CTNNA2: variants seen among roughly 807,000 people sequenced by gnomAD.
The protein encoded by CTNNA2 is catenin alpha-2.
A neutral mutation model predicts 101.0 loss-of-function variants in CTNNA2; 42 were observed. The observed-to-expected ratio is 0.42, with a 90% CI of 0.32 to 0.54. The LOEUF is 0.54. Ranked by LOEUF, CTNNA2 falls within the 20% of genes least tolerant of loss-of-function variation. The probability of loss-of-function intolerance (pLI) is 0.14; values close to 1 mark genes in which losing one functional copy is unlikely to be tolerated. For synonymous variants in CTNNA2, 450 were observed against 456.4 expected, an observed-to-expected ratio of 0.99 and a Z score of 0.18; for missense variants, 871 against 1,223.1, an observed-to-expected ratio of 0.71 and a Z score of 4.29.
intron 12 of CTNNA2, among the ~76,000 whole-genome samples, chr2:80,559,891 T>TATATATATATATACACACAC (rs1553387588): frequency 6.8e-6 from 1 of 146,818 alleles, no homozygotes; most frequent in African/African-American, 2.6e-5. Context: ...TATATATATA[T>TATATATATATATACACACAC]ACACACACAT....
At chr2:79,675,695 A>G (rs1457772079) in intron 2 of CTNNA2, among the ~76,000 whole-genome samples, 1 of 152,124 alleles carries the variant, frequency 6.6e-6, no homozygotes, top group African/African-American at 2.4e-5. Flanking sequence ...AAGTCAGGAG[A>G]CTTGGATGTC....
At chr2:80,464,227 C>G (rs972017927) in intron 9 of CTNNA2, among the ~76,000 whole-genome samples, 1 of 152,162 alleles carries the variant, frequency 6.6e-6, no homozygotes, top group Non-Finnish European at 1.5e-5. Flanking sequence ...GAAGAAAGAA[C>G]TGTCTTCAAT....
chr2:79,484,959 C>T (rs1671143439), intron 4 of CTNNA2, among the ~76,000 whole-genome samples: 1 of 152,144 alleles, frequency 6.6e-6, no homozygotes. Flanking sequence ...AAAACCTTTA[C>T]CAGCCATACT....
chr2:79,392,419 G>A (rs1355301047), intron 4 of CTNNA2, among the ~76,000 whole-genome samples: 2 of 152,058 alleles, frequency 1.3e-5, no homozygotes, highest in African/African-American at 4.8e-5. Flanking sequence ...CTCAGAAAAG[G>A]ATCAATGTTT....
intron 9 of CTNNA2, among the ~76,000 whole-genome samples, chr2:80,537,905 T>C (rs1691184225): frequency 2.6e-5 from 4 of 152,194 alleles, no homozygotes; most frequent in Non-Finnish European, 5.9e-5. Flanking sequence ...TTTCCTGACT[T>C]TTTAATGATC....
At chr2:79,747,213 T>C (rs538611482) in intron 3 of CTNNA2, among the ~76,000 whole-genome samples, 13 of 149,320 alleles carry the variant, frequency 8.7e-5, no homozygotes, top group African/African-American at 3.2e-4. Context: ...AAGAGTATAT[T>C]TGTGTATGTG....
chr2:80,502,839 T>C (rs1307589996), intron 9 of CTNNA2, among the ~76,000 whole-genome samples: 1 of 152,150 alleles, frequency 6.6e-6, no homozygotes, highest in Non-Finnish European at 1.5e-5. Context: ...TCCCGAGTCA[T>C]TCATTAGCTC....
In CTNNA2 at chr2:80,329,610, T is replaced by C. The variant is rs117997151; in HGVS notation, c.1057-63601T>C. Reference sequence around the variant, plus strand: ...AGGATGCGGTGGGAAGTAAGGAGAATACCTACCTTAACAAGTCAGGACAGG... The same window carrying C: ...AGGATGCGGTGGGAAGTAAGGAGAACACCTACCTTAACAAGTCAGGACAGG... On this transcript the variant is annotated intron_variant, in intron 7 of 18. Transcript: ENST00000402739. Among the ~76,000 whole-genome samples, 158 of 152,254 alleles carry C rather than the reference T, an allele frequency of 1.0e-3. 3 individuals are homozygous for C. The East Asian group carries it at 0.025, about 24-fold the overall frequency.
intron 7 of CTNNA2, among the ~76,000 whole-genome samples, chr2:80,392,813 T>A (rs1677644233): frequency 6.6e-6 from 1 of 152,222 alleles, no homozygotes; most frequent in Non-Finnish European, 1.5e-5. Context: ...TCTTTTTCGA[T>A]TTAGTTTTTA....
chr2:79,423,891 G>A (rs1678565940), intron 4 of CTNNA2, among the ~76,000 whole-genome samples: 1 of 152,032 alleles, frequency 6.6e-6, no homozygotes, highest in Admixed American at 6.6e-5. Flanking sequence ...TCAGAACTCT[G>A]TCTTTCCTAC....
chr2:79,936,391 T>C (rs1273171180), intron 7 of CTNNA2, among the ~76,000 whole-genome samples: 1 of 152,134 alleles, frequency 6.6e-6, no homozygotes, highest in Admixed American at 6.5e-5. Flanking sequence ...GAAAATCCCT[T>C]ATTTATGCCT....
intron 2 of CTNNA2, among the ~76,000 whole-genome samples, chr2:79,304,556 G>C (rs998285313): frequency 1.3e-5 from 2 of 152,070 alleles, no homozygotes; most frequent in Non-Finnish European, 2.9e-5. Flanking sequence ...AATATACCTT[G>C]ATTGCAGACT....
At chr2:80,232,190 A>T (rs1558926119) in intron 7 of CTNNA2, among the ~76,000 whole-genome samples, 1 of 152,044 alleles carries the variant, frequency 6.6e-6, no homozygotes, top group Non-Finnish European at 1.5e-5. Context: ...GTCTCTCTAA[A>T]ACATGTAAAA....
At chr2:80,307,387 A>G (rs532271956) in intron 7 of CTNNA2, among the ~76,000 whole-genome samples, 3 of 152,166 alleles carry the variant, frequency 2.0e-5, no homozygotes, top group Non-Finnish European at 4.4e-5. Flanking sequence ...AGAAACGACA[A>G]CTTTTGAGTC....
At position 79,809,033 on chromosome 2, in the gene CTNNA2, TGCG is replaced by T. The variant is rs1676801195; in HGVS notation, c.299-48978_299-48976del. 3.9e-5 allele frequency among the ~76,000 whole-genome samples: 6 copies of T among 152,258 alleles called. No individual in the cohort carries two copies. The South Asian group carries it at 1.2e-3, about 32-fold the overall frequency. The stretch of plus-strand genomic sequence containing the variant: ...CAACTCCCACTTATGAGTGAGAACA[TGCG>T]GTGTTTGGTTTTCTGTTCCTGTGTT... On this transcript the variant is annotated intron_variant, in intron 3 of 18. Transcript: ENST00000402739.
intron 2 of CTNNA2, among the ~76,000 whole-genome samples, chr2:79,733,784 C>T (rs1051567762): frequency 1.3e-5 from 2 of 152,074 alleles, no homozygotes; most frequent in Admixed American, 1.3e-4. Context: ...CCATCGACTA[C>T]TCCCTATAGA....
intron 7 of CTNNA2, among the ~76,000 whole-genome samples, chr2:80,058,805 A>G (rs1158244400): frequency 1.3e-5 from 2 of 152,076 alleles, no homozygotes. Context: ...TAAGCACTAC[A>G]CAAAGCCCAG....
At chr2:80,450,217 G>C (rs1181791605) in intron 9 of CTNNA2, among the ~76,000 whole-genome samples, 1 of 152,034 alleles carries the variant, frequency 6.6e-6, no homozygotes, top group African/African-American at 2.4e-5. Flanking sequence ...ATAATTATAG[G>C]AGTATCCTGG....
intron 3 of CTNNA2, among the ~76,000 whole-genome samples, chr2:79,321,363 C>T (rs542633113): frequency 6.6e-6 from 1 of 152,204 alleles, no homozygotes; most frequent in African/African-American, 2.4e-5. Flanking sequence ...TCCACAGAGA[C>T]AAGACTCACA....
Sources: gnomAD v4.1 joint callset for allele counts (sites outside exome capture counted in the v4.1 genomes callset) on GRCh38, gnomAD v4.1.1 for gene constraint, MANE v1.5 for transcripts, NCBI Gene and HGNC (gene_info 2026-07-23, HGNC 2026-07-21) for gene names.